The following SORCS2 variants were observed in gnomAD, a reference collection of about 807,000 sequenced individuals.
The protein encoded by SORCS2 is VPS10 domain-containing receptor SorCS2.
In SORCS2, 100 loss-of-function variants were observed where a neutral mutation model predicts 141.6. That is an observed-to-expected ratio of 0.71 (90% confidence interval 0.60 to 0.83). SORCS2 has a LOEUF of 0.83. SORCS2 is among the 40% of genes least tolerant of loss of function. SORCS2 has a pLI of 0.00. For synonymous variants in SORCS2, 789 were observed against 676.9 expected, an observed-to-expected ratio of 1.17 and a Z score of -2.57; for missense variants, 1,646 against 1,560.2, an observed-to-expected ratio of 1.05 and a Z score of -0.93.
chr4:7,455,654 TCG>T (rs1728857593), intron 2 of SORCS2, among the ~76,000 whole-genome samples: 3 of 96,512 alleles, frequency 3.1e-5, no homozygotes, highest in African/African-American at 1.2e-4. Flanking sequence ...GGGTCAGGCT[TCG>T]TGTTGGGGTC....
At chr4:7,626,675 TG>T (rs1719534958) in intron 3 of SORCS2, among the ~76,000 whole-genome samples, 1 of 152,248 alleles carries the variant, frequency 6.6e-6, no homozygotes, top group South Asian at 2.1e-4. Flanking sequence ...TTGAATTACC[TG>T]ATTTTATCTT....
chr4:7,689,271 G>A (rs1357728880), intron 10 of SORCS2, among the ~76,000 whole-genome samples: 1 of 152,014 alleles, frequency 6.6e-6, no homozygotes, highest in African/African-American at 2.4e-5. Context: ...CAGGCTGTCA[G>A]CACAGCACCT....
At chr4:7,413,314 C>A (rs1026014836) in intron 2 of SORCS2, among the ~76,000 whole-genome samples, 1 of 150,114 alleles carries the variant, frequency 6.7e-6, no homozygotes, top group Admixed American at 6.6e-5. Flanking sequence ...CAAATATGTA[C>A]GTGATTTATA....
chr4:7,385,542 T>G (rs1028002296), intron 1 of SORCS2, among the ~76,000 whole-genome samples: 16 of 152,144 alleles, frequency 1.1e-4, no homozygotes, highest in African/African-American at 3.9e-4. Flanking sequence ...TTTGAGTCCA[T>G]CACAGCTGGG....
intron 12 of SORCS2, among the ~76,000 whole-genome samples, chr4:7,702,328 T>C (rs1725140615): frequency 6.6e-6 from 1 of 152,208 alleles, no homozygotes; most frequent in African/African-American, 2.4e-5. Context: ...TTACTGGGCA[T>C]GTTGAGACAT....
At chr4:7,276,828 CG>C (rs1228285184) in intron 1 of SORCS2, among the ~76,000 whole-genome samples, 1 of 152,172 alleles carries the variant, frequency 6.6e-6, no homozygotes, top group Admixed American at 6.5e-5. Context: ...ATTCATCACG[CG>C]GCAGACCCTG....
At chr4:7,400,716 T>A (rs1337875877) in intron 2 of SORCS2, among the ~76,000 whole-genome samples, 1 of 151,924 alleles carries the variant, frequency 6.6e-6, no homozygotes, top group East Asian at 1.9e-4. Context: ...GATGGATGGA[T>A]GAATGGATGG....
At chr4:7,386,628 A>C (rs1257861889) in intron 1 of SORCS2, among the ~76,000 whole-genome samples, 5 of 137,678 alleles carry the variant, frequency 3.6e-5, no homozygotes, top group South Asian at 2.4e-4. Flanking sequence ...CATACACATG[A>C]ACACATGCAC....
chr4:7,434,782 C>T (rs1018896998), intron 2 of SORCS2: 2 of 1,612,004 alleles, frequency 1.2e-6, no homozygotes, highest in Middle Eastern at 1.6e-4. Flanking sequence ...ATCCTGACAC[C>T]ACACCGTGGA....
chr4:7,662,349 C>T (rs1374086308), intron 6 of SORCS2, among the ~76,000 whole-genome samples: 2 of 151,826 alleles, frequency 1.3e-5, no homozygotes, highest in Non-Finnish European at 2.9e-5. Context: ...GTCACAAGGT[C>T]CCAGCTGGTG....
At chr4:7,539,917 C>A (rs1712456577) in intron 3 of SORCS2, among the ~76,000 whole-genome samples, 1 of 149,584 alleles carries the variant, frequency 6.7e-6, no homozygotes, top group Non-Finnish European at 1.5e-5. Context: ...GTTGTGGAGG[C>A]CCCACCCCCT....
intron 1 of SORCS2, among the ~76,000 whole-genome samples, chr4:7,309,628 T>C (rs1419114858): frequency 6.6e-6 from 1 of 152,138 alleles, no homozygotes; most frequent in Non-Finnish European, 1.5e-5. Flanking sequence ...TTTTAGTGCC[T>C]CTGAAATGGA....
chr4:7,422,328 G>T (rs891628407), intron 2 of SORCS2, among the ~76,000 whole-genome samples: 5 of 152,192 alleles, frequency 3.3e-5, no homozygotes, highest in Admixed American at 3.3e-4. Flanking sequence ...GGAATGTGCT[G>T]CCCGGAGCCT....
rs773885376 is a variant in SORCS2, at chr4:7,219,948, G to A, written c.480+26822G>A. Among the ~76,000 whole-genome samples, 17 of 152,358 alleles carry A rather than the reference G, an allele frequency of 1.1e-4. No individual in the cohort carries two copies. The East Asian group carries it at 1.7e-3, about 16-fold the overall frequency. ...TGTTCCACCGTGATGACTCCATGTC[G>A]TTGTGAAAATAAAGGAGTGTTGGGT... On this transcript the variant is annotated intron_variant, in intron 1 of 26. Coordinates refer to ENST00000507866, the MANE Select transcript of SORCS2 (RefSeq NM_020777.3).
chr4:7,326,901 C>T (rs1030577847), intron 1 of SORCS2, among the ~76,000 whole-genome samples: 1 of 152,236 alleles, frequency 6.6e-6, no homozygotes, highest in Non-Finnish European at 1.5e-5. Context: ...TGCTGAACAG[C>T]CCCATTGATG....
intron 2 of SORCS2, chr4:7,434,616 C>G: frequency 8.1e-6 from 13 of 1,613,406 alleles, no homozygotes; most frequent in Non-Finnish European, 1.1e-5. Flanking sequence ...TCACCAAAGC[C>G]AGGATGTCAG....
At chr4:7,551,545 T>G (rs954370686) in intron 3 of SORCS2, among the ~76,000 whole-genome samples, 1 of 152,292 alleles carries the variant, frequency 6.6e-6, no homozygotes, top group African/African-American at 2.4e-5. Context: ...GATGATGCCC[T>G]GGGCTGAGGC....
chr4:7,259,787 C>T (rs1714190958), intron 1 of SORCS2, among the ~76,000 whole-genome samples: 1 of 152,252 alleles, frequency 6.6e-6, no homozygotes, highest in Non-Finnish European at 1.5e-5. Flanking sequence ...CCCCATCTTA[C>T]AGATGAGGAC....
At chr4:7,727,271 A>G (rs1037138821) in intron 21 of SORCS2, among the ~76,000 whole-genome samples, 4 of 152,204 alleles carry the variant, frequency 2.6e-5, no homozygotes, top group African/African-American at 9.6e-5. Context: ...AAGCCTGAGC[A>G]TTGTCTCATG....
Sources: allele counts gnomAD v4.1 joint callset (sites outside exome capture counted in the v4.1 genomes callset), GRCh38; gene constraint gnomAD v4.1.1; transcripts MANE v1.5; gene names NCBI Gene and HGNC (gene_info 2026-07-23, HGNC 2026-07-21).